The following NCOA2 variants were observed in gnomAD, a reference collection of about 807,000 sequenced individuals.
NCOA2 encodes nuclear receptor coactivator 2.
In NCOA2, 21 loss-of-function variants were observed where a neutral mutation model predicts 145.1. That is an observed-to-expected ratio of 0.14 (90% CI 0.10 to 0.21). The LOEUF is 0.21. Ranked by LOEUF, NCOA2 falls within the 10% of genes least tolerant of loss-of-function variation. NCOA2 has a pLI of 1.00. For synonymous variants in NCOA2, 619 were observed against 637.5 expected, an observed-to-expected ratio of 0.97 and a Z score of 0.44; for missense variants, 1,472 against 1,837.6, an observed-to-expected ratio of 0.80 and a Z score of 3.64.
intron 2 of NCOA2, among the ~76,000 whole-genome samples, chr8:70,263,271 G>C (rs1223930546): frequency 4.7e-5 from 7 of 149,482 alleles, no homozygotes; most frequent in Non-Finnish European, 1.0e-4. Flanking sequence ...TCCCCTCCTG[G>C]GCAGGACAGA....
Position 70,214,089 on chromosome 8 carries a change from A to C in NCOA2, c.87-14T>G. On this transcript the variant is annotated splice_polypyrimidine_tract_variant and intron_variant, in intron 3 of 22. Transcript: ENST00000452400. Reference sequence around the variant, plus strand: ...TTCCTTTTGGGGCTTAAAAGAAGAAACACATTTTTATGATGTATTTGAAAA... The same window carrying C: ...TTCCTTTTGGGGCTTAAAAGAAGAACCACATTTTTATGATGTATTTGAAAA... 1 of 1,587,712 alleles carries C rather than the reference A, an allele frequency of 6.3e-7. No homozygotes were observed. The highest frequency in any genetic ancestry group is 8.5e-7 in the Non-Finnish European group (1 of 1,172,998).
chr8:70,254,426 T>C (rs542072000), intron 2 of NCOA2, among the ~76,000 whole-genome samples: 3 of 152,336 alleles, frequency 2.0e-5, no homozygotes, highest in South Asian at 2.1e-4. Flanking sequence ...CACATGTTCA[T>C]AGCCGCATTA....
intron 1 of NCOA2, among the ~76,000 whole-genome samples, chr8:70,331,994 C>A (rs1474406605): frequency 2.0e-5 from 3 of 152,084 alleles, no homozygotes; most frequent in African/African-American, 7.2e-5. Context: ...ATGTTACATG[C>A]GCTCCTTTAT....
intron 1 of NCOA2, among the ~76,000 whole-genome samples, chr8:70,318,533 G>A (rs559700928): frequency 2.0e-5 from 3 of 152,188 alleles, no homozygotes; most frequent in African/African-American, 7.2e-5. Flanking sequence ...TGGGAGGCAA[G>A]GAGGGCAGAT....
chr8:70,202,391 A>T (rs1290073706), intron 4 of NCOA2, among the ~76,000 whole-genome samples: 3 of 152,226 alleles, frequency 2.0e-5, no homozygotes, highest in African/African-American at 7.2e-5. Flanking sequence ...TTGCATCCCC[A>T]TGTTAATTGC....
At chr8:70,285,768 G>A (rs1239039770) in intron 2 of NCOA2, among the ~76,000 whole-genome samples, 1 of 152,154 alleles carries the variant, frequency 6.6e-6, no homozygotes, top group Non-Finnish European at 1.5e-5. Flanking sequence ...AATGAGTACA[G>A]ACTAAATTGA....
At chr8:70,233,074 A>T (rs1334837254) in intron 2 of NCOA2, among the ~76,000 whole-genome samples, 1 of 140,694 alleles carries the variant, frequency 7.1e-6, no homozygotes, top group Non-Finnish European at 1.5e-5. Context: ...AAAATACAAA[A>T]ATTAGCTGGG....
chr8:70,217,864 A>C (rs1469681046), intron 2 of NCOA2, among the ~76,000 whole-genome samples: 1 of 152,040 alleles, frequency 6.6e-6, no homozygotes, highest in Non-Finnish European at 1.5e-5. Flanking sequence ...TCTTTCCTAG[A>C]GCTCCTATTC....
intron 4 of NCOA2, among the ~76,000 whole-genome samples, chr8:70,193,078 A>G (rs930396610): frequency 6.6e-5 from 10 of 151,114 alleles, no homozygotes; most frequent in Admixed American, 5.3e-4. Flanking sequence ...AAAAAAAAAA[A>G]AAAAAAAAAT....
the NCOA2 span, among the ~76,000 whole-genome samples, chr8:70,421,253 A>T: frequency 9.6e-4 from 146 of 152,232 alleles, no homozygotes; most frequent in Non-Finnish European, 1.3e-3. Flanking sequence ...TAGTATTAGA[A>T]TACTAATTCT....
chr8:70,176,696 A>C (rs1814890402), intron 4 of NCOA2, among the ~76,000 whole-genome samples: 1 of 152,114 alleles, frequency 6.6e-6, no homozygotes, highest in Non-Finnish European at 1.5e-5. Flanking sequence ...ATTTCTCCTC[A>C]AGATCTGCTC....
At chr8:70,236,777 T>C (rs762925649) in intron 2 of NCOA2, among the ~76,000 whole-genome samples, 5 of 152,210 alleles carry the variant, frequency 3.3e-5, no homozygotes, top group Non-Finnish European at 7.3e-5. Context: ...AATCTAGAGA[T>C]GATTTAAAGT....
intron 1 of NCOA2, among the ~76,000 whole-genome samples, chr8:70,401,534 T>A (rs995015422): frequency 3.3e-5 from 5 of 152,088 alleles, no homozygotes; most frequent in Non-Finnish European, 7.4e-5. Context: ...AAAAAATGCA[T>A]ACCATAAACC....
rs186855949 is a variant in NCOA2 at position 70,352,196 on chromosome 8, A to T, written c.-77+51504T>A. The stretch of plus-strand genomic sequence containing the variant: ...ATTAAGCATCTACTATGTTCCAGGC[A>T]AAGTATTAGATGTTTAGAATTGATC... On this transcript the variant is annotated intron_variant, in intron 1 of 22. Coordinates refer to ENST00000452400, the MANE Select transcript of NCOA2 (RefSeq NM_006540.4). Among the ~76,000 whole-genome samples the T allele has an allele frequency of 8.5e-5, 13 of 152,292 alleles. No homozygotes were observed. In the East Asian group the frequency reaches 2.5e-3, roughly 29 times the overall value.
At chr8:70,441,545 G>A in the NCOA2 span, among the ~76,000 whole-genome samples, 1 of 147,076 alleles carries the variant, frequency 6.8e-6, no homozygotes, top group African/African-American at 2.5e-5. Context: ...AAGAAAGAGA[G>A]AGAAAGAAAG....
intron 1 of NCOA2, among the ~76,000 whole-genome samples, chr8:70,341,066 CT>C (rs1207672945): frequency 7.7e-6 from 1 of 129,718 alleles, no homozygotes; most frequent in Admixed American, 7.3e-5. Flanking sequence ...ATGTGTACCC[CT>C]GAACTTAAAA....
At chr8:70,334,197 T>C (rs1434371794) in intron 1 of NCOA2, among the ~76,000 whole-genome samples, 4 of 152,210 alleles carry the variant, frequency 2.6e-5, no homozygotes, top group Non-Finnish European at 4.4e-5. Context: ...TCCAAGCTAA[T>C]TTCCTACTTC....
chr8:70,295,967 T>A (rs1250622975), intron 2 of NCOA2, among the ~76,000 whole-genome samples: 1 of 152,162 alleles, frequency 6.6e-6, no homozygotes, highest in Non-Finnish European at 1.5e-5. Flanking sequence ...TGAAATAAGC[T>A]TAATAAACTA....
At chr8:70,209,112 G>A (rs1041537238) in intron 4 of NCOA2, among the ~76,000 whole-genome samples, 2 of 152,152 alleles carry the variant, frequency 1.3e-5, no homozygotes, top group African/African-American at 4.8e-5. Context: ...CAGGAATTTG[G>A]AAGAAGCTGA....
Sources: allele counts gnomAD v4.1 joint callset (sites outside exome capture counted in the v4.1 genomes callset), GRCh38; gene constraint gnomAD v4.1.1; transcripts MANE v1.5; gene names NCBI Gene and HGNC (gene_info 2026-07-23, HGNC 2026-07-21).